Variants in LIPC observed in about 807,000 individuals in gnomAD.
The protein encoded by LIPC is hepatic triacylglycerol lipase.
LIPC carries 44 observed loss-of-function variants against 50.7 expected under a neutral mutation model. The ratio of observed to expected loss-of-function variants is 0.87; its 90% CI spans 0.68 to 1.11. The LOEUF (loss-of-function observed/expected upper bound fraction) is 1.11. Ranked by LOEUF, LIPC falls within the 50% of genes most tolerant of loss-of-function variation. The probability of loss-of-function intolerance (pLI) is 0.00; values close to 1 mark genes in which losing one functional copy is unlikely to be tolerated. For synonymous variants in LIPC, 271 were observed against 256.4 expected (o/e 1.06, Z -0.54); for missense variants, 697 against 648.2 (o/e 1.08, Z -0.82).
intron 1 of LIPC, among the ~76,000 whole-genome samples, chr15:58,489,390 T>C (rs1203153280): frequency 3.3e-5 from 5 of 152,142 alleles, no homozygotes; most frequent in African/African-American, 1.2e-4. Context: ...AAGACAGTTA[T>C]TACTCCAATC....
At chr15:58,475,992 A>T (rs1420033563) in intron 1 of LIPC, among the ~76,000 whole-genome samples, 2 of 152,262 alleles carry the variant, frequency 1.3e-5, no homozygotes, top group East Asian at 3.8e-4. Flanking sequence ...TAGCAAGAAA[A>T]GTGACAGATC....
At chr15:58,550,566 G>A (rs143410386) in intron 6 of LIPC, among the ~76,000 whole-genome samples, 84 of 152,146 alleles carry the variant, frequency 5.5e-4, no homozygotes, top group African/African-American at 2.0e-3. Flanking sequence ...CAAAACCAAC[G>A]TACTCATCCA....
chr15:58,473,270 G>A (rs1890873680), intron 1 of LIPC, among the ~76,000 whole-genome samples: 1 of 152,166 alleles, frequency 6.6e-6, no homozygotes, highest in African/African-American at 2.4e-5. Flanking sequence ...AGATCTGCCA[G>A]GGAATCAGTG....
chr15:58,466,179 T>G (rs527704143), intron 1 of LIPC, among the ~76,000 whole-genome samples: 89 of 152,374 alleles, frequency 5.8e-4, no homozygotes, highest in African/African-American at 2.0e-3. Flanking sequence ...TCCATCTCAA[T>G]GATTTGACTT....
chr15:58,529,635 T>C (rs936947460), intron 1 of LIPC, among the ~76,000 whole-genome samples: 1 of 152,222 alleles, frequency 6.6e-6, no homozygotes, highest in Non-Finnish European at 1.5e-5. Flanking sequence ...TTATGTGGCA[T>C]GGAATGTAAG....
At chr15:58,468,882 T>A (rs1894674468) in intron 1 of LIPC, among the ~76,000 whole-genome samples, 1 of 152,190 alleles carries the variant, frequency 6.6e-6, no homozygotes, top group Non-Finnish European at 1.5e-5. Flanking sequence ...TTCCTCCCTA[T>A]GAACCTTGGA....
chr15:58,486,219 C>A (rs1369060678), intron 1 of LIPC, among the ~76,000 whole-genome samples: 2 of 152,182 alleles, frequency 1.3e-5, no homozygotes, highest in South Asian at 2.1e-4. Context: ...CCTGGAGAGT[C>A]CCACTCCTTG....
chr15:58,498,633 A>C (rs1891861576), intron 1 of LIPC: 2 of 152,118 alleles, frequency 1.3e-5, no homozygotes, highest in Admixed American at 1.3e-4. Context: ...ATTGAGAAAC[A>C]CTGACCTGGC....
chr15:58,526,382 C>T (rs773041560), intron 1 of LIPC, among the ~76,000 whole-genome samples: 6 of 152,192 alleles, frequency 3.9e-5, no homozygotes, highest in Admixed American at 2.0e-4. Context: ...TTTGGCTCCT[C>T]GAGGTGCCTG....
chr15:58,538,524 A>G lies in LIPC; in HGVS notation c.273+7A>G. On this transcript the variant is annotated splice_region_variant and intron_variant, in intron 2 of 8. Transcript: ENST00000299022. ...GATAATCCACGGGTGGTCGGTAGGA[A>G]ATGCTGACATGCCGTTTTTCTCTCC... 6.2e-7 allele frequency: 1 copy of G among 1,613,682 alleles called. No homozygotes were observed. Among genetic ancestry groups the G allele is most frequent in the Non-Finnish European group, 8.5e-7 (1 of 1,179,648 alleles).
chr15:58,537,694 C>T (rs1233184640), intron 1 of LIPC, among the ~76,000 whole-genome samples: 1 of 152,148 alleles, frequency 6.6e-6, no homozygotes, highest in Non-Finnish European at 1.5e-5. Flanking sequence ...CCTGCAAGGC[C>T]AGGGTCAACA....
chr15:58,563,726 G>T lies in LIPC; in HGVS notation c.1388+3G>T. ...AAAGCAGGAGAAACCCAGCAAAGGT[G>T]ACTGCTGATTCAATCTCCTATTAAC... On this transcript the variant is annotated splice_donor_region_variant and intron_variant, in intron 8 of 8. Coordinates refer to ENST00000299022, the MANE Select transcript of LIPC (RefSeq NM_000236.3). The T allele has an allele frequency of 6.2e-7, 1 of 1,611,404 alleles. No individual in the cohort carries two copies. Among genetic ancestry groups the T allele is most frequent in the South Asian group, 1.1e-5 (1 of 90,832 alleles).
At chr15:58,459,092 C>A (rs1894241091) in intron 1 of LIPC, among the ~76,000 whole-genome samples, 2 of 152,156 alleles carry the variant, frequency 1.3e-5, no homozygotes, top group African/African-American at 4.8e-5. Context: ...AGTCATGCCT[C>A]CTATTTTTTT....
intron 1 of LIPC, chr15:58,436,732 A>G (rs1205945310): frequency 4.4e-6 from 2 of 456,288 alleles, no homozygotes; most frequent in African/African-American, 2.0e-5. Context: ...TGAGTAGAGA[A>G]GCAGATTTTA....
chr15:58,538,196 G>A, intron 1 of LIPC, 137 bp from the exon 2 acceptor site: 1 of 879,940 alleles, frequency 1.1e-6, no homozygotes, highest in Admixed American at 1.8e-5. Context: ...GCTCCCCACA[G>A]TTGTGGCTCA....
chr15:58,506,050 G>A (rs1337429784), intron 1 of LIPC, among the ~76,000 whole-genome samples: 2 of 152,086 alleles, frequency 1.3e-5, no homozygotes, highest in Non-Finnish European at 2.9e-5. Context: ...TAGAGTGGAT[G>A]GCAGCCGCCC....
chr15:58,462,834 G>A (rs543552593), intron 1 of LIPC, among the ~76,000 whole-genome samples: 1 of 152,280 alleles, frequency 6.6e-6, no homozygotes, highest in Non-Finnish European at 1.5e-5. Context: ...GGGCAGGCCT[G>A]AAGAACCCTT....
At chr15:58,510,269 C>T (rs1274846307) in intron 1 of LIPC, among the ~76,000 whole-genome samples, 1 of 152,180 alleles carries the variant, frequency 6.6e-6, no homozygotes, top group Non-Finnish European at 1.5e-5. Flanking sequence ...TCTTACAATG[C>T]TGTGGGCTAG....
intron 1 of LIPC, among the ~76,000 whole-genome samples, chr15:58,520,681 G>A (rs372944963): frequency 6.6e-6 from 1 of 152,160 alleles, no homozygotes; most frequent in Non-Finnish European, 1.5e-5. Context: ...GTTGAGAGCC[G>A]CTGTATACCA....
Sources: gnomAD v4.1 joint callset for allele counts (sites outside exome capture counted in the v4.1 genomes callset) on GRCh38, gnomAD v4.1.1 for gene constraint, MANE v1.5 for transcripts, NCBI Gene and HGNC (gene_info 2026-07-23, HGNC 2026-07-21) for gene names.